Variants in POLR1C observed in about 807,000 individuals in gnomAD.
POLR1C encodes the protein RNA polymerase I and III subunit C, also known as DNA-directed RNA polymerases I and III subunit RPAC1.
In POLR1C, 42 loss-of-function variants were observed where a neutral mutation model predicts 38.3. That is an observed-to-expected ratio of 1.10 (90% CI 0.86 to 1.42). The LOEUF is 1.42. POLR1C is among the 40% of genes most tolerant of loss of function. The probability of loss-of-function intolerance (pLI) is 0.00; values close to 1 mark genes in which losing one functional copy is unlikely to be tolerated. For missense variants in POLR1C, 507 were observed against 450.5 expected (o/e 1.13, Z -1.14); for synonymous variants, 163 against 163.9 (o/e 0.99, Z 0.04).
rs996170433 is a variant in POLR1C, at chr6:43,556,132, C to T, written c.*48+5121C>T. On this transcript the variant is annotated intron_variant, in intron 10 of 10. Coordinates refer to the POLR1C transcript ENST00000607635. The stretch of plus-strand genomic sequence containing the variant: ...CTCAATAAAACTTTATTAACGAATC[C>T]AGAAGTTTTTGAAAATAAATGATCT... The T allele has an allele frequency of 6.6e-6, 6 of 904,638 alleles. No individual in the cohort carries two copies. The African/African-American group carries it at 1.0e-4, about 15-fold the overall frequency. The allele number at this position is 904,638 out of a possible 1,614,324, so 56.0% of individuals were successfully genotyped here.
intron 10 of POLR1C, chr6:43,558,398 T>C: frequency 1.0e-6 from 1 of 1,004,712 alleles, no homozygotes. Context: ...CTATCCAGAT[T>C]TGGGGATCTT....
chr6:43,544,998 G>A (rs966127010), intron 9 of POLR1C, among the ~76,000 whole-genome samples: 3 of 151,980 alleles, frequency 2.0e-5, no homozygotes, highest in Non-Finnish European at 2.9e-5. Flanking sequence ...TCAGCCTCTC[G>A]AGTAGCTGGG....
Position 43,555,879 on chromosome 6 carries a change from T to C in POLR1C, c.*48+4868T>C, listed in dbSNP as rs762840518. Reference sequence around the variant, plus strand: ...CAAGAAAAGTTGATAGTTGATACTTTAGCCACTCCCCAGCCATCTGGAAGC... The same window carrying C: ...CAAGAAAAGTTGATAGTTGATACTTCAGCCACTCCCCAGCCATCTGGAAGC... On this transcript the variant is annotated intron_variant, in intron 10 of 10. Transcript: ENST00000607635. The C allele has an allele frequency of 1.9e-6, 3 of 1,613,980 alleles. No individual in the cohort carries two copies. In the South Asian group the frequency reaches 3.3e-5, roughly 18 times the overall value.
downstream of POLR1C, among the ~76,000 whole-genome samples, chr6:43,532,162 A>T (rs934291365): frequency 1.3e-5 from 2 of 152,124 alleles, no homozygotes; most frequent in African/African-American, 4.8e-5. Context: ...GGTAAGCAAC[A>T]CCTACTTTTT....
At chr6:43,553,390 G>T in intron 10 of POLR1C, 1 of 1,608,308 alleles carries the variant, frequency 6.2e-7, no homozygotes, top group Non-Finnish European at 8.5e-7. Flanking sequence ...TTTAGTGTTC[G>T]AAACATCTGG....
intron 10 of POLR1C, chr6:43,553,346 C>T: frequency 6.3e-7 from 1 of 1,593,718 alleles, no homozygotes; most frequent in Non-Finnish European, 8.5e-7. Flanking sequence ...AATAATCATG[C>T]AGTCAGCATG....
chr6:43,551,352 T>C (rs200535517), intron 10 of POLR1C: 2 of 1,613,852 alleles, frequency 1.2e-6, no homozygotes, highest in Admixed American at 1.7e-5. Flanking sequence ...ATGGAAAGAG[T>C]GCAGAGACAT....
At chr6:43,544,415 C>T (rs747795846) in intron 9 of POLR1C, 2 of 152,084 alleles carry the variant, frequency 1.3e-5, no homozygotes, top group South Asian at 4.1e-4. Flanking sequence ...AGAGATTATA[C>T]TTTTTTAAAA....
At chr6:43,528,749 G>C (rs1793758662) in intron 8 of POLR1C, 2 of 1,349,030 alleles carry the variant, frequency 1.5e-6, no homozygotes, top group Non-Finnish European at 2.1e-6. Flanking sequence ...ACTTCTAGGA[G>C]CTCCTGACTT....
chr6:43,541,075 A>G (rs1249470893), intron 9 of POLR1C, among the ~76,000 whole-genome samples: 1 of 152,008 alleles, frequency 6.6e-6, no homozygotes, highest in African/African-American at 2.4e-5. Flanking sequence ...GGACATACAG[A>G]GTGTAAGGAT....
At chr6:43,531,641 T>G, downstream of POLR1C, 1 of 1,362,114 alleles carries the variant, frequency 7.3e-7, no homozygotes, top group Non-Finnish European at 1.1e-6. Context: ...GCCAACACTC[T>G]ACAGCAGGAA....
At chr6:43,518,508 A>G (rs1474937263) in intron 2 of POLR1C, among the ~76,000 whole-genome samples, 1 of 152,208 alleles carries the variant, frequency 6.6e-6, no homozygotes, top group African/African-American at 2.4e-5. Flanking sequence ...CAGAAGTGAG[A>G]TAACATTTTG....
rs1474788042 is a variant in POLR1C at position 43,520,262 on chromosome 6, G to A, written c.503-13G>A. 3.7e-6 allele frequency: 6 copies of A among 1,613,148 alleles called. No homozygotes were observed. Among genetic ancestry groups the A allele is most frequent in the Non-Finnish European group, 5.1e-6 (6 of 1,180,042 alleles). ...TTTAGGGACTGAGATCTTCTGACAT[G>A]TTTTTCCTCCAGTGTATACCAGGCA... On this transcript the variant is annotated splice_polypyrimidine_tract_variant and intron_variant, in intron 5 of 8. Transcript: ENST00000642195.
chr6:43,539,376 T>C (rs1794554457), intron 9 of POLR1C: 2 of 1,579,606 alleles, frequency 1.3e-6, no homozygotes, highest in African/African-American at 1.3e-5. Flanking sequence ...TGCACTGGCA[T>C]AATCTTCAAA....
chr6:43,521,895 G>C (rs753071953), downstream of POLR1C, among the ~76,000 whole-genome samples: 23 of 152,140 alleles, frequency 1.5e-4, no homozygotes, highest in Admixed American at 3.9e-4. Context: ...GTGCACTCCA[G>C]CCCGGGTAAC....
chr6:43,525,377 A>ATT, downstream of POLR1C: 2 of 659,354 alleles, frequency 3.0e-6, no homozygotes, highest in Non-Finnish European at 5.1e-6. Context: ...GGCTCAAGCT[A>ATT]TTCTCCCATC....
chr6:43,540,767 C>T (rs1289765729), intron 9 of POLR1C, among the ~76,000 whole-genome samples: 1 of 152,230 alleles, frequency 6.6e-6, no homozygotes, highest in East Asian at 1.9e-4. Context: ...CATGAGCCAA[C>T]ATGCCCAGCC....
downstream of POLR1C, chr6:43,533,991 A>G (rs1794161228): frequency 6.2e-7 from 1 of 1,602,400 alleles, no homozygotes; most frequent in Non-Finnish European, 8.5e-7. Flanking sequence ...TCTGGTGCAT[A>G]TAATGTATTG....
intron 9 of POLR1C, chr6:43,539,086 G>A (rs528882729): frequency 2.1e-5 from 28 of 1,361,348 alleles, no homozygotes; most frequent in Middle Eastern, 2.5e-4. Flanking sequence ...GCACAGGTGC[G>A]GAGACAATGC....
Sources: gnomAD v4.1 joint callset for allele counts (sites outside exome capture counted in the v4.1 genomes callset) on GRCh38, gnomAD v4.1.1 for gene constraint, MANE v1.5 for transcripts, NCBI Gene and HGNC (gene_info 2026-07-23, HGNC 2026-07-21) for gene names.